LHFPL2: variants seen among roughly 807,000 people sequenced by gnomAD.
The protein encoded by LHFPL2 is LHFPL tetraspan subfamily member 2.
A neutral mutation model predicts 17.5 loss-of-function variants in LHFPL2; 7 were observed. The observed-to-expected ratio is 0.40, with a 90% CI of 0.23 to 0.75. LHFPL2 has a LOEUF of 0.75. LHFPL2 is among the 30% of genes least tolerant of loss of function. LHFPL2 has a pLI of 0.37. For synonymous variants in LHFPL2, 134 were observed against 116.2 expected (o/e 1.15, Z -0.99); for missense variants, 241 against 294.8 (o/e 0.82, Z 1.34).
intron 2 of LHFPL2, among the ~76,000 whole-genome samples, chr5:78,601,179 T>G (rs1482637029): frequency 6.6e-6 from 1 of 152,124 alleles, no homozygotes; most frequent in African/African-American, 2.4e-5. Context: ...TTTGGCCTAG[T>G]GATGAAAGGA....
chr5:78,587,876 C>T (rs1743480763), intron 2 of LHFPL2, among the ~76,000 whole-genome samples: 1 of 152,220 alleles, frequency 6.6e-6, no homozygotes, highest in Admixed American at 6.5e-5. Context: ...GCCTCCCTGG[C>T]CCACCTTCAG....
intron 4 of LHFPL2, among the ~76,000 whole-genome samples, chr5:78,498,434 A>G (rs1439336321): frequency 2.6e-5 from 4 of 152,184 alleles, no homozygotes; most frequent in Admixed American, 6.5e-5. Context: ...TCCCCAAGTC[A>G]TCTTCCATGC....
intron 4 of LHFPL2, among the ~76,000 whole-genome samples, chr5:78,503,709 A>AAACG (rs1754845434): frequency 6.6e-6 from 1 of 151,902 alleles, no homozygotes; most frequent in Non-Finnish European, 1.5e-5. Flanking sequence ...AAAAACAAAC[A>AAACG]AACAAACACA....
intron 4 of LHFPL2, among the ~76,000 whole-genome samples, chr5:78,496,639 A>C (rs10070202): frequency 0.8 from 121,595 of 152,164 alleles, 48,994 homozygotes; most frequent in East Asian, 0.92. Flanking sequence ...TGTGTTCCAT[A>C]TGACACAGCT....
intron 2 of LHFPL2, among the ~76,000 whole-genome samples, chr5:78,585,425 T>C (rs1380216710): frequency 6.6e-6 from 1 of 152,202 alleles, no homozygotes; most frequent in African/African-American, 2.4e-5. Flanking sequence ...CCCTGACTCC[T>C]TGAGCTTCCC....
chr5:78,587,620 C>T (rs1743464797), intron 2 of LHFPL2, among the ~76,000 whole-genome samples: 1 of 152,232 alleles, frequency 6.6e-6, no homozygotes, highest in South Asian at 2.1e-4. Flanking sequence ...CAATTGTTTG[C>T]AAAGGCCATA....
In LHFPL2 at chr5:78,527,374, T is replaced by G. The variant is rs894161354; in HGVS notation, c.-185-16976A>C. 1.3e-4 allele frequency among the ~76,000 whole-genome samples: 19 copies of G among 150,858 alleles called. No homozygotes were observed. In the East Asian group the frequency reaches 2.3e-3, roughly 18 times the overall value. ...AATGCTGATGAGGAGTTTTTTTTTT[T>G]TTTTTTTTTTTTCCAAAAGTTCAAA... On this transcript the variant is annotated intron_variant, in intron 3 of 4. Transcript: ENST00000380345.
At chr5:78,593,036 C>T (rs900312214) in intron 2 of LHFPL2, among the ~76,000 whole-genome samples, 1 of 152,088 alleles carries the variant, frequency 6.6e-6, no homozygotes. Context: ...AAACAAAAGC[C>T]AACAGGTGCT....
chr5:78,586,051 C>G (rs149057048), intron 2 of LHFPL2, among the ~76,000 whole-genome samples: 1 of 152,316 alleles, frequency 6.6e-6, no homozygotes, highest in African/African-American at 2.4e-5. Flanking sequence ...CAGCACCAAC[C>G]TTGAAGTTCA....
At chr5:78,598,128 C>T (rs562279119) in intron 2 of LHFPL2, among the ~76,000 whole-genome samples, 1 of 152,262 alleles carries the variant, frequency 6.6e-6, no homozygotes, top group African/African-American at 2.4e-5. Context: ...ATCTGGAGAG[C>T]CACAGCAAAC....
intron 2 of LHFPL2, among the ~76,000 whole-genome samples, chr5:78,565,318 T>C (rs1756831476): frequency 6.6e-6 from 1 of 152,234 alleles, no homozygotes. Flanking sequence ...CGCTGGTTAA[T>C]GTTCTAAAGC....
At chr5:78,572,934 C>T (rs946549256) in intron 2 of LHFPL2, among the ~76,000 whole-genome samples, 1 of 152,148 alleles carries the variant, frequency 6.6e-6, no homozygotes, top group Admixed American at 6.5e-5. Flanking sequence ...CTCGCACGCA[C>T]GGTTCACAAT....
At chr5:78,500,034 AAAAG>A (rs1754725763) in intron 4 of LHFPL2, among the ~76,000 whole-genome samples, 1 of 67,452 alleles carries the variant, frequency 1.5e-5, no homozygotes, top group Admixed American at 1.1e-4. Flanking sequence ...GAAAAAAAAA[AAAAG>A]GCAGTATAAT....
At chr5:78,634,948 A>G (rs1271405518) in intron 1 of LHFPL2, among the ~76,000 whole-genome samples, 1 of 152,204 alleles carries the variant, frequency 6.6e-6, no homozygotes, top group Non-Finnish European at 1.5e-5. Flanking sequence ...GAATCTTAGA[A>G]TGTGGGGCAC....
intron 2 of LHFPL2, among the ~76,000 whole-genome samples, chr5:78,585,675 A>ACCTCCT (rs923172634): frequency 1.3e-5 from 2 of 151,600 alleles, no homozygotes; most frequent in African/African-American, 4.9e-5. Flanking sequence ...AACAACCTCC[A>ACCTCCT]CCTCCTCCTC....
At chr5:78,510,930 A>G (rs1755100164) in intron 3 of LHFPL2, among the ~76,000 whole-genome samples, 1 of 152,186 alleles carries the variant, frequency 6.6e-6, no homozygotes, top group Admixed American at 6.5e-5. Flanking sequence ...CCCCGCTTTT[A>G]TTTCCTCGAA....
At chr5:78,556,891 C>T (rs889712140) in intron 3 of LHFPL2, among the ~76,000 whole-genome samples, 1 of 152,016 alleles carries the variant, frequency 6.6e-6, no homozygotes, top group Non-Finnish European at 1.5e-5. Context: ...CATGCTTATA[C>T]ATTTCTGTAT....
intron 2 of LHFPL2, among the ~76,000 whole-genome samples, chr5:78,630,658 C>T (rs1418394352): frequency 6.6e-6 from 1 of 152,034 alleles, no homozygotes; most frequent in Non-Finnish European, 1.5e-5. Context: ...GGGGAAGTGA[C>T]TACTTTTACA....
intron 2 of LHFPL2, among the ~76,000 whole-genome samples, chr5:78,589,729 C>T (rs1188267873): frequency 6.6e-6 from 1 of 152,194 alleles, no homozygotes; most frequent in African/African-American, 2.4e-5. Context: ...TGTCTGCCTC[C>T]TCCAGCAGAC....
Sources: gnomAD v4.1 joint callset for allele counts (sites outside exome capture counted in the v4.1 genomes callset) on GRCh38, gnomAD v4.1.1 for gene constraint, MANE v1.5 for transcripts, NCBI Gene and HGNC (gene_info 2026-07-23, HGNC 2026-07-21) for gene names.